The following M1AP variants were observed in gnomAD, a reference collection of about 807,000 sequenced individuals.
M1AP encodes the protein meiosis 1 arrest protein.
Under a neutral mutation model 51.2 loss-of-function variants are expected in M1AP, and 39 were observed. The observed-to-expected ratio is 0.76, with a 90% CI of 0.59 to 1.00. The LOEUF is 1.00. Ranked by LOEUF, M1AP falls within the 50% of genes least tolerant of loss-of-function variation. The pLI, the probability that M1AP is intolerant of heterozygous loss-of-function variation, is 0.00. For synonymous variants in M1AP, 251 were observed against 249.2 expected, an observed-to-expected ratio of 1.01 and a Z score of -0.07; for missense variants, 545 against 641.2, an observed-to-expected ratio of 0.85 and a Z score of 1.62.
intron 5 of M1AP, among the ~76,000 whole-genome samples, chr2:74,580,203 T>C (rs554170792): frequency 8.5e-5 from 13 of 152,334 alleles, no homozygotes; most frequent in Non-Finnish European, 1.8e-4. Context: ...TGCCTCATAG[T>C]GTTATGTGAA....
At chr2:74,577,272 G>A (rs1244940576) in intron 5 of M1AP, among the ~76,000 whole-genome samples, 5 of 152,208 alleles carry the variant, frequency 3.3e-5, no homozygotes, top group Admixed American at 2.0e-4. Flanking sequence ...TCAGACAACA[G>A]TTCTGAGGAA....
chr2:74,599,404 A>G (rs1420774068), intron 4 of M1AP, among the ~76,000 whole-genome samples: 1 of 151,910 alleles, frequency 6.6e-6, no homozygotes, highest in African/African-American at 2.4e-5. Context: ...TACTTTTCAC[A>G]TTGAAGTCTT....
intron 2 of M1AP, chr2:74,619,025 C>A: frequency 2.0e-6 from 1 of 509,062 alleles, no homozygotes; most frequent in Admixed American, 2.1e-5. Flanking sequence ...GTCTGTACTT[C>A]ATCGGCAGGA....
At chr2:74,560,681 G>T (rs1334758583) in intron 8 of M1AP, among the ~76,000 whole-genome samples, 1 of 152,226 alleles carries the variant, frequency 6.6e-6, no homozygotes, top group Non-Finnish European at 1.5e-5. Flanking sequence ...CGAGTACATG[G>T]AGTTCTCAGC....
At chr2:74,588,029 C>A (rs1679816806) in intron 4 of M1AP, among the ~76,000 whole-genome samples, 1 of 152,182 alleles carries the variant, frequency 6.6e-6, no homozygotes, top group Non-Finnish European at 1.5e-5. Context: ...GTATTTCTCT[C>A]TTCACATAAA....
At chr2:74,606,304 C>G (rs1416941817) in intron 4 of M1AP, among the ~76,000 whole-genome samples, 3 of 152,192 alleles carry the variant, frequency 2.0e-5, no homozygotes, top group Non-Finnish European at 2.9e-5. Flanking sequence ...ACTTAGGACC[C>G]TGTGTGACTC....
intron 2 of M1AP, among the ~76,000 whole-genome samples, chr2:74,638,412 GT>G (rs201199482): frequency 1.3e-5 from 2 of 151,434 alleles, no homozygotes; most frequent in African/African-American, 2.4e-5. Flanking sequence ...GTTTTATCCA[GT>G]TTTTTTTTAT....
At chr2:74,564,035 A>C (rs1678213236) in intron 7 of M1AP, among the ~76,000 whole-genome samples, 1 of 152,196 alleles carries the variant, frequency 6.6e-6, no homozygotes, top group South Asian at 2.1e-4. Context: ...CTGCTACATA[A>C]GATAGAAGAA....
chr2:74,561,157 GAGGAGGAGGAGA>G (rs1677944324), intron 8 of M1AP, among the ~76,000 whole-genome samples: 2 of 104,780 alleles, frequency 1.9e-5, no homozygotes, highest in Non-Finnish European at 4.3e-5. Flanking sequence ...GGAGGAGAAG[GAGGAGGAGGAGA>G]AGGAGGAGGA....
chr2:74,597,857 T>C (rs933156716), intron 4 of M1AP, among the ~76,000 whole-genome samples: 2 of 152,226 alleles, frequency 1.3e-5, no homozygotes, highest in African/African-American at 2.4e-5. Flanking sequence ...ATTTATTACT[T>C]AGTCATTCTT....
intron 7 of M1AP, among the ~76,000 whole-genome samples, 189 bp from the exon 8 acceptor site, chr2:74,562,612 G>A (rs1367168505): frequency 6.6e-6 from 1 of 152,118 alleles, no homozygotes; most frequent in Non-Finnish European, 1.5e-5. Context: ...CTTCCTCCCT[G>A]GTTTGAGATA....
intron 7 of M1AP, among the ~76,000 whole-genome samples, chr2:74,574,369 C>T (rs927483432): frequency 6.6e-6 from 1 of 152,162 alleles, no homozygotes; most frequent in Non-Finnish European, 1.5e-5. Flanking sequence ...ATCTCTCAAC[C>T]AAGTTCTGAC....
chr2:74,639,573 T>C (rs1444373301), intron 2 of M1AP, among the ~76,000 whole-genome samples: 2 of 152,126 alleles, frequency 1.3e-5, no homozygotes, highest in Non-Finnish European at 2.9e-5. Flanking sequence ...GTAGAAAAAA[T>C]ATTTTCATGT....
At chr2:74,627,726 C>T (rs1682483016) in intron 2 of M1AP, among the ~76,000 whole-genome samples, 1 of 152,048 alleles carries the variant, frequency 6.6e-6, no homozygotes, top group Admixed American at 6.5e-5. Context: ...TGACTTCTTG[C>T]AAATAAAAAT....
chr2:74,605,975 C>A (rs1680964924), intron 4 of M1AP, among the ~76,000 whole-genome samples: 1 of 152,124 alleles, frequency 6.6e-6, no homozygotes, highest in South Asian at 2.1e-4. Context: ...CAAGTGCAGA[C>A]CCTCAAAGAT....
At chr2:74,597,836 A>T (rs1319043067) in intron 4 of M1AP, among the ~76,000 whole-genome samples, 2 of 152,200 alleles carry the variant, frequency 1.3e-5, no homozygotes, top group African/African-American at 4.8e-5. Context: ...TGGCTATTTT[A>T]GTTTTGACAT....
At chr2:74,642,083 G>C (rs1342228502) in intron 1 of M1AP, among the ~76,000 whole-genome samples, 1 of 152,036 alleles carries the variant, frequency 6.6e-6, no homozygotes. Flanking sequence ...GCCCGCCTCG[G>C]CCTCCCAAAG....
chr2:74,604,159 C>T (rs1680835182), intron 4 of M1AP, among the ~76,000 whole-genome samples: 2 of 152,190 alleles, frequency 1.3e-5, no homozygotes, highest in South Asian at 2.1e-4. Flanking sequence ...CCATCTAACC[C>T]TTGCCTACCT....
intron 4 of M1AP, among the ~76,000 whole-genome samples, chr2:74,599,821 A>T (rs1680569816): frequency 2.0e-5 from 3 of 150,322 alleles, no homozygotes; most frequent in African/African-American, 7.4e-5. Context: ...TCATCTAAAA[A>T]CTCTGACAGG....
Sources: gnomAD v4.1 joint callset for allele counts (sites outside exome capture counted in the v4.1 genomes callset) on GRCh38, gnomAD v4.1.1 for gene constraint, MANE v1.5 for transcripts, NCBI Gene and HGNC (gene_info 2026-07-23, HGNC 2026-07-21) for gene names.